JAK3: variants seen among roughly 807,000 people sequenced by gnomAD.
JAK3 encodes Janus kinase 3, also known as tyrosine-protein kinase JAK3.
Under a neutral mutation model 120.8 loss-of-function variants are expected in JAK3, and 88 were observed. That is an observed-to-expected ratio of 0.73 (90% CI 0.61 to 0.87). The LOEUF is 0.87. JAK3 is among the 40% of genes least tolerant of loss of function. The pLI is 0.00. For missense variants in JAK3, 1,254 were observed against 1,501.4 expected (o/e 0.84, Z 2.72); for synonymous variants, 592 against 628.6 (o/e 0.94, Z 0.87).
chr19:17,839,372 T>G, intron 10 of JAK3, 105 bp downstream of exon 10: 1 of 1,076,850 alleles, frequency 9.3e-7, no homozygotes, highest in Non-Finnish European at 1.4e-6. Context: ...CTAACCCACC[T>G]TGACCTGCAG....
At position 17,843,905 on chromosome 19, in the gene JAK3, A is replaced by C; in HGVS notation, c.185-5T>G. 1 of 1,613,592 alleles carries C rather than the reference A, an allele frequency of 6.2e-7. No individual in the cohort carries two copies. Among genetic ancestry groups the C allele is most frequent in the Non-Finnish European group, 8.5e-7 (1 of 1,179,932 alleles). On this transcript the variant is annotated splice_region_variant and splice_polypyrimidine_tract_variant and intron_variant, in intron 2 of 23. Transcript: ENST00000458235. This position sits in a 1 kb window ranked among gnomAD's most constrained non-coding sequence, Gnocchi z 5.4. ...AGTGGTACACAGGCAGGATGCCTAC[A>C]GGGGATGGTCCCATCAGCTCCCTCC...
In JAK3 at chr19:17,843,217, C is replaced by T; in HGVS notation, c.421-45G>A. ...AGCATCAGCTGAGGCCACCCAACTT[C>T]AAGCCCTGTTGTTAACCTGCAGACC... is the stretch of plus-strand genomic sequence containing the variant. On this transcript the variant is annotated intron_variant, in intron 4 of 23. Coordinates refer to ENST00000458235, the MANE Select transcript of JAK3 (RefSeq NM_000215.4). This position sits in a 1 kb window ranked among gnomAD's most constrained non-coding sequence, Gnocchi z 5.4. The T allele has an allele frequency of 6.3e-7, 1 of 1,581,338 alleles. No homozygotes were observed. The highest frequency in any genetic ancestry group is 8.6e-7 in the Non-Finnish European group (1 of 1,165,512).
At chr19:17,847,684 C>A (rs1425642848) in intron 1 of JAK3, among the ~76,000 whole-genome samples, 2 of 151,818 alleles carry the variant, frequency 1.3e-5, no homozygotes, top group Admixed American at 1.3e-4. Flanking sequence ...CCCAACCCCG[C>A]AGCCCCCGTC....
At position 17,831,480 on chromosome 19, in the gene JAK3, A is replaced by G. The variant is rs947124393; in HGVS notation, c.2806-80T>C. The G allele has an allele frequency of 6.3e-7, 1 of 1,576,328 alleles. No individual in the cohort carries two copies. On this transcript the variant is annotated intron_variant, in intron 20 of 23. Coordinates refer to ENST00000458235, the MANE Select transcript of JAK3 (RefSeq NM_000215.4). This position sits in a 1 kb window ranked among gnomAD's most constrained non-coding sequence, Gnocchi z 5.1. ...ACCCCAAGCGTGACCTGGCACCCCA[A>G]CCCAGACCCCAACTATAACCCTACC...
In JAK3 at chr19:17,832,918, G is replaced by A; in HGVS notation, c.2362C>T (p.Leu788Phe). Residue 788 changes from leucine (L) to phenylalanine (F), a missense_variant, in exon 18 of 24, where the codon CTC becomes TTC. Physicochemically the swap from Leu to Phe is conservative, Grantham distance 22 (BLOSUM62 0). Around this residue, in one of 3 missense-constraint regions of JAK3, gnomAD observed 630 missense variants for 819.8 expected, o/e 0.77. Transcript: ENST00000458235. The surrounding 1 kb of genome is among the most constrained non-coding windows in gnomAD (Gnocchi z 4.7). Reference sequence around the variant, plus strand: ...AGGGCACCAGGTGTGGGGTCTGAGAGGAGCTCATAGTCTGGGGTGGGGGCA... The same window carrying A: ...AGGGCACCAGGTGTGGGGTCTGAGAAGAGCTCATAGTCTGGGGTGGGGGCA... ...NSLISSDYELLSDPTPGALAP... is the reference protein window; with the variant it reads ...NSLISSDYELFSDPTPGALAP... 3.1e-6 allele frequency: 5 copies of A among 1,613,748 alleles called. No homozygotes were observed. The highest frequency in any genetic ancestry group is 4.2e-6 in the Non-Finnish European group (5 of 1,179,902).
Position 17,832,409 on chromosome 19 carries a change from A to G in JAK3, c.2680+110T>C. ...AAACCTGTAACCCATGTGAATCTGGATCAATAATCACGTTCCCAGCCTACC... is the reference window on the plus strand; with the variant it reads ...AAACCTGTAACCCATGTGAATCTGGGTCAATAATCACGTTCCCAGCCTACC... On this transcript the variant is annotated intron_variant, in intron 19 of 23. Coordinates refer to ENST00000458235, the MANE Select transcript of JAK3 (RefSeq NM_000215.4). This position sits in a 1 kb window ranked among gnomAD's most constrained non-coding sequence, Gnocchi z 4.7. 9.3e-7 allele frequency: 1 copy of G among 1,080,978 alleles called. No individual in the cohort carries two copies. 67.0% of individuals were successfully genotyped at this position (1,080,978 alleles called of 1,614,324 possible). A position where few individuals can be genotyped will look rare whatever the true frequency, so the allele number is the denominator to read the frequency against.
Position 17,842,676 on chromosome 19 carries a change from C to G in JAK3, c.567-66G>C, listed in dbSNP as rs929605017. The G allele has an allele frequency of 2.4e-5, 34 of 1,445,738 alleles. No homozygotes were observed. Among genetic ancestry groups the G allele is most frequent in the South Asian group, 4.2e-5 (3 of 71,640 alleles). The allele number at this position is 1,445,738 out of a possible 1,614,324, so 89.6% of individuals were successfully genotyped here. On this transcript the variant is annotated intron_variant, in intron 5 of 23. Transcript: ENST00000458235. The surrounding 1 kb of genome is among the most constrained non-coding windows in gnomAD (Gnocchi z 6.4). Reference sequence around the variant, plus strand: ...GGAGGGGTCCCCGCGGGGACACACACAAACCCAGGCTTTAGCCCAGGGGCT... The same window carrying G: ...GGAGGGGTCCCCGCGGGGACACACAGAAACCCAGGCTTTAGCCCAGGGGCT...
intron 10 of JAK3, 119 bp downstream of exon 10, chr19:17,839,358 T>G: frequency 1.1e-6 from 1 of 950,254 alleles, no homozygotes; most frequent in Non-Finnish European, 1.7e-6. Context: ...TCACCTTTTC[T>G]TCCCTAACCC....
chr19:17,832,979 C>G lies in JAK3; in HGVS notation c.2351-50G>C. Reference sequence around the variant, plus strand: ...TAAGCAGCGCCTCTCATCCTGGGCCCCACTCCTGAGTTGACTTGCTGTGCA... The same window carrying G: ...TAAGCAGCGCCTCTCATCCTGGGCCGCACTCCTGAGTTGACTTGCTGTGCA... On this transcript the variant is annotated intron_variant, in intron 17 of 23. Transcript: ENST00000458235. The surrounding 1 kb of genome is among the most constrained non-coding windows in gnomAD (Gnocchi z 4.7). 6.3e-7 allele frequency: 1 copy of G among 1,580,890 alleles called. No individual in the cohort carries two copies. Among genetic ancestry groups the G allele is most frequent in the Non-Finnish European group, 8.6e-7 (1 of 1,162,996 alleles).
chr19:17,830,876 G>A (rs1599866633), intron 21 of JAK3, among the ~76,000 whole-genome samples: 1 of 125,218 alleles, frequency 8.0e-6, no homozygotes, highest in Admixed American at 7.8e-5. Flanking sequence ...AGAGCCGTGG[G>A]AGGGGGAGGG....
At chr19:17,836,216 T>A (rs745706790) in intron 13 of JAK3, among the ~76,000 whole-genome samples, 165 bp from the exon 14 acceptor site, 5 of 152,000 alleles carry the variant, frequency 3.3e-5, no homozygotes, top group Non-Finnish European at 7.4e-5. Flanking sequence ...CCCACCTCCA[T>A]CTCTGAATGA....
In JAK3 at chr19:17,842,926, C is replaced by G. The variant is rs2094243416; in HGVS notation, c.566+101G>C. 6.6e-7 allele frequency: 1 copy of G among 1,521,534 alleles called. No homozygotes were observed. Among genetic ancestry groups the G allele is most frequent in the South Asian group, 1.1e-5 (1 of 88,734 alleles). The allele number at this position is 1,521,534 out of a possible 1,614,324, so 94.3% of individuals were successfully genotyped here. On this transcript the variant is annotated intron_variant, in intron 5 of 23. Transcript: ENST00000458235. The surrounding 1 kb of genome is among the most constrained non-coding windows in gnomAD (Gnocchi z 6.4). ...CTGGGTCATAGGAACACCCTGAAAG[C>G]TTGCAGGAGAACTCCATGGTGGGAG...
Position 17,842,889 on chromosome 19 carries a change from TCGTGGGAGG to T in JAK3, c.566+129_566+137del. ...AGCCTGGGGGTGGAGAGGGCTGGGT[TCGTGGGAGG>T]CCCTGGGTCATAGGAACACCCTGAA... is the stretch of plus-strand genomic sequence containing the variant. On this transcript the variant is annotated intron_variant, in intron 5 of 23. Transcript: ENST00000458235. The surrounding 1 kb of genome is among the most constrained non-coding windows in gnomAD (Gnocchi z 6.4). 1 of 1,212,812 alleles carries T rather than the reference TCGTGGGAGG, an allele frequency of 8.2e-7. No individual in the cohort carries two copies. 75.1% of individuals were successfully genotyped at this position (1,212,812 alleles called of 1,614,324 possible).
In JAK3 at chr19:17,831,236, G is replaced by A. The variant is rs765021403; in HGVS notation, c.2970C>T (p.Pro990=). 9 of 1,612,378 alleles carry A rather than the reference G, an allele frequency of 5.6e-6. No homozygotes were observed. Among genetic ancestry groups the A allele is most frequent in the East Asian group, 2.2e-5 (1 of 44,866 alleles). The change falls in exon 21 of 24, where the codon CCC becomes CCT. Residue 990 remains proline (P), a synonymous_variant. Coordinates refer to ENST00000458235, the MANE Select transcript of JAK3 (RefSeq NM_000215.4). The surrounding 1 kb of genome is among the most constrained non-coding windows in gnomAD (Gnocchi z 5.1). ...YYVVREPGQS[P]IFWYAPESLS... ...AGGCGCGGGTTCCCCACCAGAAAAT[G>A]GGGCTCTGGCCTGGCTCGCGGACCA... is the stretch of plus-strand genomic sequence containing the variant.
At chr19:17,835,666 A>G (rs1440798433) in intron 14 of JAK3, among the ~76,000 whole-genome samples, 1 of 151,828 alleles carries the variant, frequency 6.6e-6, no homozygotes, top group Admixed American at 6.6e-5. Context: ...CTTCTACTCA[A>G]CTTTTAAGGC....
chr19:17,842,798 C>T lies in JAK3; in HGVS notation c.567-188G>A. 2 of 833,318 alleles carry T rather than the reference C, an allele frequency of 2.4e-6. No individual in the cohort carries two copies. Among genetic ancestry groups the T allele is most frequent in the Non-Finnish European group, 3.7e-6 (2 of 538,806 alleles). 51.6% of individuals were successfully genotyped at this position (833,318 alleles called of 1,614,324 possible). ...TCAGAGTAGGGGAGGGCCATTGGCG[C>T]CCACAGGTCGGACAGGGACCCCACA... On this transcript the variant is annotated intron_variant, in intron 5 of 23. Transcript: ENST00000458235. The surrounding 1 kb of genome is among the most constrained non-coding windows in gnomAD (Gnocchi z 6.4).
rs2094241049 is a variant in JAK3 at position 17,842,194 on chromosome 19, A to G, written c.861+122T>C. 9.1e-7 allele frequency: 1 copy of G among 1,104,776 alleles called. No individual in the cohort carries two copies. The highest frequency in any genetic ancestry group is 1.3e-6 in the Non-Finnish European group (1 of 799,752). The allele number at this position is 1,104,776 out of a possible 1,614,324, so 68.4% of individuals were successfully genotyped here. A position where few individuals can be genotyped will look rare whatever the true frequency, so the allele number is the denominator to read the frequency against. On this transcript the variant is annotated intron_variant, in intron 6 of 23. Coordinates refer to ENST00000458235, the MANE Select transcript of JAK3 (RefSeq NM_000215.4). This position sits in a 1 kb window ranked among gnomAD's most constrained non-coding sequence, Gnocchi z 6.4. Reference sequence around the variant, plus strand: ...CCTCACTAAGCCCCGCCCCTCATTAAGCCTCGCCCACTTCCCCAAGTCTTT... The same window carrying G: ...CCTCACTAAGCCCCGCCCCTCATTAGGCCTCGCCCACTTCCCCAAGTCTTT...
At chr19:17,835,363 C>G (rs752769131) in intron 14 of JAK3, 148 bp from the exon 15 acceptor site, 83 of 1,084,766 alleles carry the variant, frequency 7.7e-5, no homozygotes, top group Non-Finnish European at 1.0e-4. Flanking sequence ...CCTGTCTTGC[C>G]CCTCTAGTTC....
intron 1 of JAK3, among the ~76,000 whole-genome samples, chr19:17,847,697 G>T (rs2094255429): frequency 7.1e-6 from 1 of 140,252 alleles, no homozygotes; most frequent in Admixed American, 7.4e-5. Context: ...CCCCCGTCGC[G>T]CATGCGCAAT....
Sources: gnomAD v4.1 joint callset for allele counts (sites outside exome capture counted in the v4.1 genomes callset) on GRCh38, gnomAD v4.1.1 for gene constraint, gnomAD v4.1.1 regional missense constraint, Gnocchi (gnomAD v3.1) non-coding constraint, MANE v1.5 for transcripts, NCBI Gene and HGNC (gene_info 2026-07-23, HGNC 2026-07-21) for gene names.